DBF4B: variants seen among roughly 807,000 people sequenced by gnomAD.
The protein encoded by DBF4B is protein DBF4 homolog B.
A neutral mutation model predicts 53.4 loss-of-function variants in DBF4B; 49 were observed. That is an observed-to-expected ratio of 0.92 (90% confidence interval 0.73 to 1.16). The LOEUF is 1.16. DBF4B is among the 50% of genes most tolerant of loss of function. DBF4B has a pLI of 0.00. For missense variants in DBF4B, 692 were observed against 775.0 expected (o/e 0.89, Z 1.27); for synonymous variants, 257 against 288.7 (o/e 0.89, Z 1.11).
At position 44,752,034 on chromosome 17, in the gene DBF4B, G is replaced by C. The variant is rs1371423275; in HGVS notation, c.*781G>C. ...ACTCAGACTAGGTCCCCAGGCCTTT[G>C]TTCTTGCCTCTTCTCGCTGAGCCTT... On this transcript the variant is annotated 3_prime_UTR_variant, in exon 14 of 14. Transcript: ENST00000315005. The C allele has an allele frequency of 1.3e-6, 2 of 1,502,330 alleles. No homozygotes were observed. Among genetic ancestry groups the C allele is most frequent in the Non-Finnish European group, 1.8e-6 (2 of 1,116,386 alleles). 93.1% of individuals were successfully genotyped at this position (1,502,330 alleles called of 1,614,324 possible).
intron 10 of DBF4B, among the ~76,000 whole-genome samples, chr17:44,746,121 A>G (rs1397144473): frequency 6.6e-6 from 1 of 150,558 alleles, no homozygotes; most frequent in Non-Finnish European, 1.5e-5. Context: ...AATCCCAGCT[A>G]TTCGGGAGGC....
intron 3 of DBF4B, among the ~76,000 whole-genome samples, chr17:44,724,767 TC>T (rs1974147251): frequency 6.6e-6 from 1 of 151,790 alleles, no homozygotes; most frequent in Non-Finnish European, 1.5e-5. Flanking sequence ...ATTGCTGGAG[TC>T]CAGGAGTTTG....
chr17:44,724,255 G>A (rs1974098097), intron 3 of DBF4B, among the ~76,000 whole-genome samples: 1 of 152,130 alleles, frequency 6.6e-6, no homozygotes, highest in South Asian at 2.1e-4. Context: ...AAATTAGCCA[G>A]GTACAGTGGC....
At chr17:44,733,038 G>A (rs1271595932) in intron 6 of DBF4B, among the ~76,000 whole-genome samples, 1 of 151,586 alleles carries the variant, frequency 6.6e-6, no homozygotes, top group Non-Finnish European at 1.5e-5. Flanking sequence ...GGTGGCGGGC[G>A]CCTGTAGTCC....
At chr17:44,714,257 ATCTCATAAT>A (rs981311718) in intron 2 of DBF4B, among the ~76,000 whole-genome samples, 1 of 152,088 alleles carries the variant, frequency 6.6e-6, no homozygotes, top group African/African-American at 2.4e-5. Context: ...GTGCACTAAA[ATCTCATAAT>A]TCACTGTAGA....
intron 3 of DBF4B, 99 bp from the exon 4 acceptor site, chr17:44,729,806 G>T: frequency 7.6e-7 from 1 of 1,308,508 alleles, no homozygotes; most frequent in Non-Finnish European, 1.0e-6. Context: ...CATTGATTCT[G>T]GAACTCCTGG....
At chr17:44,721,010 C>T (rs1366569427) in intron 2 of DBF4B, among the ~76,000 whole-genome samples, 7 of 151,608 alleles carry the variant, frequency 4.6e-5, no homozygotes, top group African/African-American at 1.5e-4. Context: ...GGATTACAGG[C>T]GTGAACCACC....
At chr17:44,732,890 G>A (rs1974970061) in intron 6 of DBF4B, 1 of 149,036 alleles carries the variant, frequency 6.7e-6, no homozygotes, top group Admixed American at 6.8e-5. Context: ...ATTCGGCCAG[G>A]TGCGGTGGCT....
chr17:44,714,446 T>C (rs1039939825), intron 2 of DBF4B, among the ~76,000 whole-genome samples: 2 of 151,250 alleles, frequency 1.3e-5, no homozygotes, highest in African/African-American at 2.5e-5. Context: ...TATATGCCGA[T>C]GTGGTAACAG....
intron 1 of DBF4B, 119 bp from the exon 2 acceptor site, chr17:44,709,185 T>A: frequency 7.7e-7 from 1 of 1,297,066 alleles, no homozygotes; most frequent in South Asian, 1.2e-5. Context: ...TGGAGTTGAG[T>A]CTTGCTGTTC....
At chr17:44,738,490 G>T (rs1975684914) in intron 9 of DBF4B, 66 bp downstream of exon 9, 12 of 1,529,218 alleles carry the variant, frequency 7.8e-6, no homozygotes, top group Non-Finnish European at 1.1e-5. Context: ...GGAGGGAGGG[G>T]TGCTCAGGGG....
Position 44,750,862 on chromosome 17 carries a change from C to G in DBF4B, c.1457C>G (p.Ala486Gly), listed in dbSNP as rs772728862. The change falls in exon 14 of 14, where the codon GCG (alanine) becomes GGG (glycine). Residue 486 changes from alanine (A) to glycine (G), a missense_variant. By Grantham distance (60) the Ala-to-Gly change is moderately conservative (BLOSUM62 0). Around this residue, in one of 3 missense-constraint regions of DBF4B, gnomAD observed 597 missense variants for 665.8 expected, o/e 0.90. Transcript: ENST00000315005. ...TCCCAAGAAAACTCCTTTGCCCCGG[C>G]GGACATTCCTGTTAAGGGCCCACTC... ...HPSQENSFAP[A>G]DIPVKGPLLF... 3.1e-6 allele frequency: 5 copies of G among 1,614,174 alleles called. No individual in the cohort carries two copies. The highest frequency in any genetic ancestry group is 4.2e-6 in the Non-Finnish European group (5 of 1,180,032).
At chr17:44,748,236 G>C (rs537751954) in intron 12 of DBF4B, 105 bp from the exon 13 acceptor site, 1 of 1,452,874 alleles carries the variant, frequency 6.9e-7, no homozygotes, top group African/African-American at 1.4e-5. Context: ...CAGCTCTCTC[G>C]GCACATGAAC....
At chr17:44,726,185 C>A (rs1361582328) in intron 3 of DBF4B, among the ~76,000 whole-genome samples, 1 of 151,658 alleles carries the variant, frequency 6.6e-6, no homozygotes, top group Non-Finnish European at 1.5e-5. Flanking sequence ...GACGGGGTTT[C>A]TCCATGTTGG....
At chr17:44,747,261 C>A in intron 11 of DBF4B, 70 bp downstream of exon 11, 3 of 1,598,172 alleles carry the variant, frequency 1.9e-6, no homozygotes, top group South Asian at 2.2e-5. Context: ...GGGGATGAGT[C>A]CTTCCTATGC....
rs1974658010 is a variant in DBF4B at position 44,729,691 on chromosome 17, C to T, written c.226-214C>T. 4.4e-5 allele frequency among the ~76,000 whole-genome samples: 4 copies of T among 91,088 alleles called. 1 individual carries two copies. In the East Asian group the frequency reaches 9.6e-4, roughly 22 times the overall value. 59.8% of individuals were successfully genotyped at this position (91,088 alleles called of 152,430 possible). Reference sequence around the variant, plus strand: ...AAAACCTGTAATACACATACACACACACACACACACACACACACACACACA... The same window carrying T: ...AAAACCTGTAATACACATACACACATACACACACACACACACACACACACA... On this transcript the variant is annotated intron_variant, in intron 3 of 13. Coordinates refer to ENST00000315005, the MANE Select transcript of DBF4B (RefSeq NM_145663.3).
intron 7 of DBF4B, among the ~76,000 whole-genome samples, chr17:44,736,627 C>T (rs1418330527): frequency 6.6e-6 from 1 of 152,132 alleles, no homozygotes; most frequent in Non-Finnish European, 1.5e-5. Context: ...ACACCGAGTG[C>T]CCCCCTTATT....
chr17:44,748,378 T>C lies in DBF4B; in HGVS notation c.1102T>C (p.Cys368Arg). 2 of 1,611,746 alleles carry C rather than the reference T, an allele frequency of 1.2e-6. No homozygotes were observed. The highest frequency in any genetic ancestry group is 1.7e-6 in the Non-Finnish European group (2 of 1,178,776). Residue 368 changes from cysteine to arginine, a missense_variant, in exon 13 of 14, where the codon TGT becomes CGT. Cys to Arg is a radical substitution (Grantham distance 180, BLOSUM62 -3). Transcript: ENST00000315005. Reference sequence around the variant, plus strand: ...CCCAGCTTCTGATTGTGACCCTCTCTGTCCTGAGACTCTGCACCCCCATCA... The same window carrying C: ...CCCAGCTTCTGATTGTGACCCTCTCCGTCCTGAGACTCTGCACCCCCATCA... ...GSPASDCDPL[C>R]PETLHPHQPS... is the part of the protein sequence containing the mutation.
intron 4 of DBF4B, 62 bp from the exon 5 acceptor site, chr17:44,730,903 A>G: frequency 1.9e-6 from 3 of 1,581,896 alleles, no homozygotes; most frequent in Non-Finnish European, 2.6e-6. Context: ...GCTCCTGTGT[A>G]AACATCTTTC....
Sources: allele counts gnomAD v4.1 joint callset (sites outside exome capture counted in the v4.1 genomes callset), GRCh38; gene constraint gnomAD v4.1.1; regional missense constraint gnomAD v4.1.1; transcripts MANE v1.5; gene names NCBI Gene and HGNC (gene_info 2026-07-23, HGNC 2026-07-21).